Variants in TNS4 observed in about 807,000 individuals in gnomAD.
TNS4 encodes the protein tensin-4.
Under a neutral mutation model 70.4 loss-of-function variants are expected in TNS4, and 46 were observed. The observed-to-expected ratio is 0.65, with a 90% confidence interval of 0.52 to 0.84. The LOEUF (loss-of-function observed/expected upper bound fraction) is 0.84, where lower values mean the gene tolerates loss of function less well. Among genes scored for constraint, TNS4 ranks in the 40% least tolerant of loss-of-function variants. The probability of loss-of-function intolerance (pLI) is 0.00; values close to 1 mark genes in which losing one functional copy is unlikely to be tolerated. For synonymous variants in TNS4, 390 were observed against 366.6 expected (o/e 1.06, Z -0.73); for missense variants, 863 against 907.0 (o/e 0.95, Z 0.62).
At chr17:40,480,620 ATGCG>A in intron 9 of TNS4, 76 bp downstream of exon 9, 1 of 1,336,430 alleles carries the variant, frequency 7.5e-7, no homozygotes, top group Non-Finnish European at 9.9e-7. Flanking sequence ...GTGTGCGTGC[ATGCG>A]TGCGTGTGTG....
At chr17:40,496,596 TAA>T in intron 1 of TNS4, 76 bp from the exon 2 acceptor site, 1 of 633,590 alleles carries the variant, frequency 1.6e-6, no homozygotes, top group Non-Finnish European at 2.6e-6. Flanking sequence ...GTACAAAGGC[TAA>T]GTTATTCATT....
chr17:40,499,462 C>T (rs977106174), intron 1 of TNS4, among the ~76,000 whole-genome samples: 6 of 152,138 alleles, frequency 3.9e-5, no homozygotes, highest in Non-Finnish European at 8.8e-5. Flanking sequence ...TGCTACAATG[C>T]CACATGGAAT....
At chr17:40,500,402 C>G (rs888145189) in intron 1 of TNS4, among the ~76,000 whole-genome samples, 1 of 152,232 alleles carries the variant, frequency 6.6e-6, no homozygotes, top group African/African-American at 2.4e-5. Context: ...GCCCCGCACA[C>G]TCCTCTAACT....
intron 9 of TNS4, chr17:40,480,144 G>A (rs1361990985): frequency 1.3e-5 from 5 of 373,762 alleles, no homozygotes; most frequent in Admixed American, 8.6e-5. Flanking sequence ...CACACTTAAC[G>A]GCTGCTCTCC....
intron 2 of TNS4, among the ~76,000 whole-genome samples, chr17:40,492,910 A>G (rs781406233): frequency 3.3e-5 from 5 of 152,058 alleles, no homozygotes; most frequent in Non-Finnish European, 7.4e-5. Context: ...AGCTGGGCAT[A>G]GTGGTGGGCA....
In TNS4 at chr17:40,477,726, G is replaced by T; in HGVS notation, c.2010C>A (p.Ile670=). The part of the protein sequence containing the change: ...KWQKYCKPSW[I]FGFVAKSQTE... ...TCTGGCTCTTGGCCACAAACCCAAA[G>T]ATCCTGGTGGGGGAGGGCAGTCTGA... The change falls in exon 13 of 13, where the codon ATC becomes ATA. Residue 670 remains isoleucine, a synonymous_variant. Coordinates refer to ENST00000254051, the MANE Select transcript of TNS4 (RefSeq NM_032865.6). 6.2e-7 allele frequency: 1 copy of T among 1,609,194 alleles called. No individual in the cohort carries two copies. Among genetic ancestry groups the T allele is most frequent in the Non-Finnish European group, 8.5e-7 (1 of 1,177,596 alleles).
rs554315271 is a variant in TNS4, at chr17:40,482,393, G to A, written c.1525C>T (p.Arg509Ter). 297 of 1,613,892 alleles carry A rather than the reference G, an allele frequency of 1.8e-4. No individual in the cohort carries two copies. Among genetic ancestry groups the A allele is most frequent in the Non-Finnish European group, 2.4e-4 (278 of 1,180,026 alleles). ...RPGEDSNDLIRHFLIESSAKG... is the reference protein window; with the variant it reads ...RPGEDSNDLI Reference sequence around the variant, plus strand: ...GCAGACGACTCGATGAGGAAGTGTCGGATGAGGTCATTGCTGTCCTCACCT... The same window carrying A: ...GCAGACGACTCGATGAGGAAGTGTCAGATGAGGTCATTGCTGTCCTCACCT... The change falls in exon 7 of 13, where the codon CGA becomes TGA. Residue 509 changes from arginine to a stop codon, truncating the protein, a stop_gained. Coordinates refer to ENST00000254051, the MANE Select transcript of TNS4 (RefSeq NM_032865.6). LOFTEE classifies it high-confidence loss of function.
intron 8 of TNS4, among the ~76,000 whole-genome samples, chr17:40,481,283 G>A (rs2035918403): frequency 6.6e-6 from 1 of 152,178 alleles, no homozygotes; most frequent in Admixed American, 6.5e-5. Flanking sequence ...GACTCTGTGG[G>A]CCTTTGGGCA....
Position 40,487,213 on chromosome 17 carries a change from C to T in TNS4, c.1111G>A (p.Asp371Asn). The change falls in exon 4 of 13, where the codon GAC becomes AAC. Residue 371 changes from aspartate (D) to asparagine (N), a missense_variant. Coordinates refer to ENST00000254051, the MANE Select transcript of TNS4 (RefSeq NM_032865.6). ...CPPSITNSMV[D>N]IPIVLINGCP... Reference sequence around the variant, plus strand: ...CCGTTGATCAGCACAATGGGTATGTCCACCATGGAGTTGGTGATGGATGGG... The same window carrying T: ...CCGTTGATCAGCACAATGGGTATGTTCACCATGGAGTTGGTGATGGATGGG... 1.2e-6 allele frequency: 2 copies of T among 1,614,120 alleles called. No individual in the cohort carries two copies. The highest frequency in any genetic ancestry group is 4.5e-5 in the East Asian group (2 of 44,884).
At chr17:40,500,626 G>A (rs1666744529) in intron 1 of TNS4, among the ~76,000 whole-genome samples, 1 of 152,072 alleles carries the variant, frequency 6.6e-6, no homozygotes, top group African/African-American at 2.4e-5. Flanking sequence ...CCCCTCTTCC[G>A]TGTCATTGCC....
intron 2 of TNS4, among the ~76,000 whole-genome samples, chr17:40,490,759 T>C (rs1158697656): frequency 6.6e-6 from 1 of 152,240 alleles, no homozygotes; most frequent in Non-Finnish European, 1.5e-5. Flanking sequence ...GGGTGAGTCC[T>C]GGCTTTGCTG....
At chr17:40,484,868 T>C in intron 5 of TNS4, 53 bp downstream of exon 5, 4 of 1,593,712 alleles carry the variant, frequency 2.5e-6, no homozygotes. Context: ...CCCTGCCTGA[T>C]GCAAAGTGCA....
At chr17:40,499,393 C>T (rs1179452694) in intron 1 of TNS4, among the ~76,000 whole-genome samples, 4 of 152,166 alleles carry the variant, frequency 2.6e-5, no homozygotes, top group Non-Finnish European at 2.9e-5. Flanking sequence ...TGCCCCCGGC[C>T]GAATAAACCC....
In TNS4 at chr17:40,487,408, A is replaced by T. The variant is rs1445516445; in HGVS notation, c.916T>A (p.Ser306Thr). The T allele has an allele frequency of 6.8e-6, 11 of 1,613,626 alleles. No homozygotes were observed. Among genetic ancestry groups the T allele is most frequent in the African/African-American group, 1.3e-5 (1 of 74,908 alleles). Residue 306 changes from serine to threonine, a missense_variant, in exon 4 of 13, where the codon TCC becomes ACC. Coordinates refer to ENST00000254051, the MANE Select transcript of TNS4 (RefSeq NM_032865.6). ...GAAGAGTTGGCTGGACTTTCCAAGG[A>T]TCTGGAAGATGACTGATGGCTGGAG... ...SNSSHQSSSRSLESPANSSSS... is the reference protein window; with the variant it reads ...SNSSHQSSSRTLESPANSSSS...
intron 3 of TNS4, 25 bp from the exon 4 acceptor site, chr17:40,487,485 G>T (rs777963408): frequency 6.3e-7 from 1 of 1,580,568 alleles, no homozygotes; most frequent in Non-Finnish European, 8.6e-7. Context: ...AGTCAGACAG[G>T]GTGTTAGGGC....
intron 6 of TNS4, 45 bp downstream of exon 6, chr17:40,484,439 G>A (rs934348186): frequency 3.8e-5 from 61 of 1,597,046 alleles, no homozygotes; most frequent in Admixed American, 3.4e-4. Flanking sequence ...ACCACACCCC[G>A]CTGCCTCAGT....
In TNS4 at chr17:40,487,034, A is replaced by G. The variant is rs2035997617; in HGVS notation, c.1288+2T>C. The G allele has an allele frequency of 6.2e-7, 1 of 1,612,566 alleles. No individual in the cohort carries two copies. Among genetic ancestry groups the G allele is most frequent in the African/African-American group, 1.3e-5 (1 of 74,864 alleles). Reference sequence around the variant, plus strand: ...TGCTTCAAATATTGGTTTACGACGTACCCTCTGGGCATGTGGTAAAGGGGG... The same window carrying G: ...TGCTTCAAATATTGGTTTACGACGTGCCCTCTGGGCATGTGGTAAAGGGGG... On this transcript the variant is annotated splice_donor_variant, in intron 4 of 12. Transcript: ENST00000254051. LOFTEE classifies it high-confidence loss of function.
At chr17:40,478,530 G>A (rs1331895794) in intron 11 of TNS4, 50 bp downstream of exon 11, 2 of 1,607,034 alleles carry the variant, frequency 1.2e-6, no homozygotes, top group Non-Finnish European at 1.7e-6. Flanking sequence ...GCCTTGGTGG[G>A]CAGCGGGGCC....
At position 40,496,456 on chromosome 17, in the gene TNS4, C is replaced by G; in HGVS notation, c.-31G>C. On this transcript the variant is annotated 5_prime_UTR_variant, in exon 2 of 13. Transcript: ENST00000254051. Reference sequence around the variant, plus strand: ...GGGTGGTGACCTCTGCAGTTTACCTCTGGTCTTCAACCAGCCTCACTGACA... The same window carrying G: ...GGGTGGTGACCTCTGCAGTTTACCTGTGGTCTTCAACCAGCCTCACTGACA... The G allele has an allele frequency of 6.3e-7, 1 of 1,591,906 alleles. No homozygotes were observed. Among genetic ancestry groups the G allele is most frequent in the Non-Finnish European group, 8.5e-7 (1 of 1,171,950 alleles).
Sources: gnomAD v4.1 joint callset for allele counts (sites outside exome capture counted in the v4.1 genomes callset) on GRCh38, gnomAD v4.1.1 for gene constraint, MANE v1.5 for transcripts, NCBI Gene and HGNC (gene_info 2026-07-23, HGNC 2026-07-21) for gene names.